LONP1: variants seen among roughly 807,000 people sequenced by gnomAD.
The protein encoded by LONP1 is lon protease homolog, mitochondrial.
Under a neutral mutation model 98.5 loss-of-function variants are expected in LONP1, and 31 were observed. The observed-to-expected ratio is 0.31, with a 90% CI of 0.24 to 0.42. The LOEUF is 0.42. Among genes scored for constraint, LONP1 ranks in the 20% least tolerant of loss-of-function variants. LONP1 has a pLI of 1.00. For synonymous variants in LONP1, 781 were observed against 594.7 expected, an observed-to-expected ratio of 1.31 and a Z score of -4.56; for missense variants, 1,336 against 1,350.6, an observed-to-expected ratio of 0.99 and a Z score of 0.17.
At chr19:5,709,059 G>A (rs937493139) in intron 4 of LONP1, 1 of 151,224 alleles carries the variant, frequency 6.6e-6, no homozygotes, top group Non-Finnish European at 1.5e-5. Context: ...CTGTCACCCA[G>A]GCTGGCGTGC....
intron 2 of LONP1, among the ~76,000 whole-genome samples, chr19:5,713,637 C>T (rs2055271367): frequency 6.6e-6 from 1 of 152,218 alleles, no homozygotes; most frequent in African/African-American, 2.4e-5. Context: ...TCTCAGCTCA[C>T]TGCAACCTCC....
chr19:5,702,747 C>T (rs1482127580), intron 8 of LONP1, among the ~76,000 whole-genome samples: 3 of 151,792 alleles, frequency 2.0e-5, no homozygotes, highest in African/African-American at 7.3e-5. Context: ...GAAACATGTG[C>T]TGTGTCCACT....
rs1269702471 is a variant in LONP1, at chr19:5,698,319, G to A, written c.1685+708C>T. 2.6e-5 allele frequency among the ~76,000 whole-genome samples: 4 copies of A among 152,326 alleles called. No homozygotes were observed. In the East Asian group the frequency reaches 5.8e-4, roughly 22 times the overall value. The stretch of plus-strand genomic sequence containing the variant: ...ACTTTAAACCTGGACTCAAGTGAAT[G>A]CCTTGCAGGATGGAAACACGTGGTG... On this transcript the variant is annotated intron_variant, in intron 10 of 17. Transcript: ENST00000360614.
chr19:5,697,522 G>C (rs1196349693), intron 10 of LONP1, among the ~76,000 whole-genome samples: 1 of 143,478 alleles, frequency 7.0e-6, no homozygotes, highest in Non-Finnish European at 1.5e-5. Flanking sequence ...GGAGAGAAGA[G>C]GGAGGAGAGG....
chr19:5,698,468 T>G (rs528729061), intron 10 of LONP1, among the ~76,000 whole-genome samples: 2 of 151,948 alleles, frequency 1.3e-5, no homozygotes. Flanking sequence ...ACCCAAAGGG[T>G]CAGGTGGGAG....
rs781439547 is a variant in LONP1, at chr19:5,705,862, T to C, written c.1277A>G (p.Lys426Arg). The stretch of plus-strand genomic sequence containing the variant: ...GACGTGCTTGGGGACCACGAGCTCC[T>C]TCAGGCGCTCCCGGAACTTCTCCTC... The part of the protein sequence containing the change: ...AIEEKFRERL[K>R]ELVVPKHVMD... Residue 426 changes from lysine (K) to arginine (R), a missense_variant, in exon 8 of 18, where the codon AAG becomes AGG. Around this residue, in one of 5 missense-constraint regions of LONP1, gnomAD observed 219 missense variants for 241.0 expected, o/e 0.91. Transcript: ENST00000360614. The C allele has an allele frequency of 6.2e-7, 1 of 1,614,200 alleles. No individual in the cohort carries two copies. Among genetic ancestry groups the C allele is most frequent in the Non-Finnish European group, 8.5e-7 (1 of 1,180,040 alleles).
chr19:5,696,906 CGGATGTGTGGCACCTGCAGGCACGCT>C (rs2054941723), intron 10 of LONP1, 149 bp from the exon 11 acceptor site: 1 of 611,256 alleles, frequency 1.6e-6, no homozygotes, highest in Admixed American at 2.9e-5. Flanking sequence ...TGGCAGCCGC[CGGATGTGTGGCACCTGCAGGCACGCT>C]GGTCACTTGC....
chr19:5,694,510 C>G lies in LONP1; in HGVS notation c.2197G>C (p.Glu733Gln), dbSNP rs758802403. 6.2e-7 allele frequency: 1 copy of G among 1,613,226 alleles called. No homozygotes were observed. Among genetic ancestry groups the G allele is most frequent in the Non-Finnish European group, 8.5e-7 (1 of 1,180,010 alleles). ...SAYKIVSGEA[E>Q]SVEVTPENLQ... is the part of the protein sequence containing the mutation. ...TTCTCGGGCGTCACCTCCACGGACT[C>G]GGCCTCGCCGCTGACAATCTTGTAG... Residue 733 changes from glutamate to glutamine, a missense_variant, in exon 15 of 18, where the codon GAG (glutamate) becomes CAG (glutamine). Physicochemically the swap from Glu to Gln is conservative, Grantham distance 29. This residue lies in a region of LONP1 where 555 missense variants were observed against 542.6 expected (regional missense o/e 1.02). Coordinates refer to ENST00000360614, the MANE Select transcript of LONP1 (RefSeq NM_004793.4).
chr19:5,708,468 G>GGGCC, intron 4 of LONP1, 65 bp from the exon 5 acceptor site: 3 of 551,268 alleles, frequency 5.4e-6, no homozygotes, highest in Non-Finnish European at 6.8e-6. Flanking sequence ...GGCTGGGTGG[G>GGGCC]AGCATGGCCC....
Position 5,693,638 on chromosome 19 carries a change from A to T in LONP1, c.2452T>A (p.Tyr818Asn). ...EVMKESARIAYTFARAFLMQH... is the reference protein window; with the variant it reads ...EVMKESARIANTFARAFLMQH... ...ATGAGGAAGGCTCTGGCGAAGGTGT[A>T]GGCTATGCGGGCGCTCTCCTTCATC... Residue 818 changes from tyrosine to asparagine, a missense_variant, in exon 16 of 18, where the codon TAC (tyrosine) becomes AAC (asparagine). Physicochemically the swap from Tyr to Asn is moderately radical, Grantham distance 143. Transcript: ENST00000360614. 1.2e-6 allele frequency: 2 copies of T among 1,614,060 alleles called. No homozygotes were observed. The highest frequency in any genetic ancestry group is 1.7e-6 in the Non-Finnish European group (2 of 1,179,982).
chr19:5,713,321 A>C, intron 2 of LONP1, 68 bp from the exon 3 acceptor site: 1 of 1,481,358 alleles, frequency 6.8e-7, no homozygotes, highest in Non-Finnish European at 9.3e-7. Flanking sequence ...TCTCTGGCTG[A>C]GATGGAGGAG....
chr19:5,716,017 G>A (rs2055312563), intron 1 of LONP1, among the ~76,000 whole-genome samples: 1 of 151,616 alleles, frequency 6.6e-6, no homozygotes, highest in Non-Finnish European at 1.5e-5. Flanking sequence ...AAGGCGCAAG[G>A]AGCTCACCTG....
At chr19:5,703,363 G>C (rs1369286145) in intron 8 of LONP1, among the ~76,000 whole-genome samples, 1 of 152,082 alleles carries the variant, frequency 6.6e-6, no homozygotes, top group Non-Finnish European at 1.5e-5. Context: ...GACAAGGCCT[G>C]ACCCAGGGCA....
chr19:5,696,131 G>A lies in LONP1; in HGVS notation c.1936C>T (p.Pro646Ser). The part of the protein sequence containing the change: ...ICTANVTDTI[P>S]EPLRDRMEMI... ...TCCATACGGTCTCGCAGCGGCTCGG[G>A]GATGGTGTCCGTGACGTTGGCCGTG... Residue 646 changes from proline (P) to serine (S), a missense_variant, in exon 13 of 18, where the codon CCC (proline) becomes TCC (serine). Physicochemically the swap from Pro to Ser is moderately conservative, Grantham distance 74 (BLOSUM62 -1). Transcript: ENST00000360614. 2 of 1,613,056 alleles carry A rather than the reference G, an allele frequency of 1.2e-6. No individual in the cohort carries two copies. Among genetic ancestry groups the A allele is most frequent in the Non-Finnish European group, 1.7e-6 (2 of 1,179,902 alleles).
intron 1 of LONP1, among the ~76,000 whole-genome samples, chr19:5,715,890 T>A (rs2055310624): frequency 6.6e-6 from 1 of 152,046 alleles, no homozygotes; most frequent in East Asian, 1.9e-4. Context: ...CCAATTTTCA[T>A]TGACAGTTAC....
At chr19:5,697,070 G>GAGGGACGCC (rs1428372881) in intron 10 of LONP1, among the ~76,000 whole-genome samples, 9 of 152,168 alleles carry the variant, frequency 5.9e-5, no homozygotes, top group Admixed American at 5.2e-4. Flanking sequence ...ACTCCTCACT[G>GAGGGACGCC]AGGGACGCCA....
Position 5,708,455 on chromosome 19 carries a change from G to A in LONP1, c.871-52C>T, listed in dbSNP as rs569062798. ...GGGCCCAGCAGTGCTCCAGCAGGGG[G>A]TGGGCTGGGTGGGAGCATGGCCCTG... On this transcript the variant is annotated intron_variant, in intron 4 of 17. Transcript: ENST00000360614. The A allele has an allele frequency of 4.0e-6, 5 of 1,261,712 alleles. No individual in the cohort carries two copies. The African/African-American group carries it at 6.0e-5, about 15-fold the overall frequency. 78.2% of individuals were successfully genotyped at this position (1,261,712 alleles called of 1,614,324 possible).
rs1383943383 is a variant in LONP1, at chr19:5,711,784, G to A, written c.857C>T (p.Thr286Met). 5 of 1,608,848 alleles carry A rather than the reference G, an allele frequency of 3.1e-6. No individual in the cohort carries two copies. Among genetic ancestry groups the A allele is most frequent in the South Asian group, 2.2e-5 (2 of 90,988 alleles). The change falls in exon 4 of 18, where the codon ACG (threonine) becomes ATG (methionine). Residue 286 changes from threonine to methionine, a missense_variant. Coordinates refer to ENST00000360614, the MANE Select transcript of LONP1 (RefSeq NM_004793.4). ...ENVVHEDFQV[T>M]EEVKALTAEI... is the part of the protein sequence containing the mutation. ...GCACGGACTCACTTTCACCTCCTCC[G>A]TGACCTGGAAGTCCTCGTGGACAAC...
Position 5,693,546 on chromosome 19 carries a change from G to C in LONP1, c.2538+6C>G. On this transcript the variant is annotated splice_donor_region_variant and intron_variant, in intron 16 of 17. Transcript: ENST00000360614. ...GGGAGCAGGTGGGAGCGGATGGCGC[G>C]GTCACCTCGGGCACATGCAGGTGGA... 6.2e-7 allele frequency: 1 copy of C among 1,613,970 alleles called. No homozygotes were observed. The highest frequency in any genetic ancestry group is 8.5e-7 in the Non-Finnish European group (1 of 1,179,974).
Sources: gnomAD v4.1 joint callset for allele counts (sites outside exome capture counted in the v4.1 genomes callset) on GRCh38, gnomAD v4.1.1 for gene constraint, gnomAD v4.1.1 regional missense constraint, MANE v1.5 for transcripts, NCBI Gene and HGNC (gene_info 2026-07-23, HGNC 2026-07-21) for gene names.